The following MAF variants were observed in gnomAD, a reference collection of about 807,000 sequenced individuals.
MAF encodes MAF bZIP transcription factor.
MAF carries 10 observed loss-of-function variants against 22.0 expected under a neutral mutation model. That is an observed-to-expected ratio of 0.45 (90% CI 0.28 to 0.77). The LOEUF is 0.77. Among genes scored for constraint, MAF ranks in the 30% least tolerant of loss-of-function variants. The pLI is 0.12. For missense variants in MAF, 544 were observed against 548.4 expected (o/e 0.99, Z 0.08); for synonymous variants, 337 against 255.8 (o/e 1.32, Z -3.03).
the MAF span, among the ~76,000 whole-genome samples, chr16:79,529,362 T>C: frequency 6.6e-6 from 1 of 152,174 alleles, no homozygotes; most frequent in African/African-American, 2.4e-5. Flanking sequence ...CAGTACCTTG[T>C]GTATTAATAA....
the MAF span, among the ~76,000 whole-genome samples, chr16:79,319,044 T>G: frequency 1.3e-5 from 2 of 150,684 alleles, no homozygotes; most frequent in East Asian, 3.9e-4. Context: ...AATTCACTTC[T>G]GTGATGAATC....
At chr16:79,554,785 G>A in the MAF span, among the ~76,000 whole-genome samples, 11 of 152,102 alleles carry the variant, frequency 7.2e-5, no homozygotes, top group East Asian at 3.9e-4. Flanking sequence ...AATTGTATGG[G>A]CATCACGTGT....
chr16:79,586,558 C>T (rs563805991), intron 1 of MAF, among the ~76,000 whole-genome samples: 2 of 152,176 alleles, frequency 1.3e-5, no homozygotes, highest in Non-Finnish European at 2.9e-5. Flanking sequence ...GTGCTTAGAA[C>T]GGTGATATGA....
the MAF span, among the ~76,000 whole-genome samples, chr16:79,226,277 G>T: frequency 1.3e-5 from 2 of 152,080 alleles, no homozygotes; most frequent in African/African-American, 4.8e-5. Context: ...ACCAACACAA[G>T]AACAGAAAAC....
At chr16:79,568,296 G>A in the MAF span, among the ~76,000 whole-genome samples, 3 of 152,166 alleles carry the variant, frequency 2.0e-5, no homozygotes, top group Non-Finnish European at 4.4e-5. Flanking sequence ...GTCTTCCACT[G>A]GGTTCCTGTT....
At chr16:79,221,920 T>G in the MAF span, among the ~76,000 whole-genome samples, 58 of 152,370 alleles carry the variant, frequency 3.8e-4, no homozygotes, top group Admixed American at 9.8e-4. Context: ...TGTCTTTGAT[T>G]TTTTTTCATT....
At chr16:79,569,091 G>C in the MAF span, among the ~76,000 whole-genome samples, 6 of 152,032 alleles carry the variant, frequency 3.9e-5, no homozygotes. Context: ...AATCTAGAAA[G>C]ACAGGTCTCA....
chr16:79,597,584 G>A, intron 1 of MAF: 5 of 1,022,414 alleles, frequency 4.9e-6, no homozygotes, highest in Non-Finnish European at 5.9e-6. Context: ...TTGGGAGGTT[G>A]AAGTTCTGAG....
the MAF span, among the ~76,000 whole-genome samples, chr16:79,385,498 ACCTTCCCTTTTAACGTACG>A: frequency 6.6e-6 from 1 of 152,244 alleles, no homozygotes; most frequent in African/African-American, 2.4e-5. Flanking sequence ...AAAAGTCGAA[ACCTTCCCTTTTAACGTACG>A]CAAGCATGCG....
At chr16:79,405,808 C>T in the MAF span, among the ~76,000 whole-genome samples, 4 of 152,138 alleles carry the variant, frequency 2.6e-5, no homozygotes, top group East Asian at 1.9e-4. Context: ...AGGAGGTGCT[C>T]GCCTCATTTT....
chr16:79,416,881 G>T, the MAF span, among the ~76,000 whole-genome samples: 4 of 152,126 alleles, frequency 2.6e-5, no homozygotes, highest in Non-Finnish European at 4.4e-5. Flanking sequence ...TAGGAAGATG[G>T]TAGACAGCCT....
the MAF span, among the ~76,000 whole-genome samples, chr16:79,289,854 A>AG: frequency 1.8e-5 from 1 of 55,636 alleles, no homozygotes; most frequent in African/African-American, 6.2e-5. Context: ...TTGTTTGTGT[A>AG]TTTTTTTTTT....
the MAF span, among the ~76,000 whole-genome samples, chr16:79,318,846 G>T: frequency 6.6e-6 from 1 of 152,164 alleles, no homozygotes; most frequent in Non-Finnish European, 1.5e-5. Context: ...CTCTTTTATT[G>T]ACTCCAAGTT....
chr16:79,540,744 T>C, the MAF span, among the ~76,000 whole-genome samples: 1 of 152,138 alleles, frequency 6.6e-6, no homozygotes, highest in Non-Finnish European at 1.5e-5. Flanking sequence ...AACAATTCAG[T>C]ATCCAAATAT....
the MAF span, among the ~76,000 whole-genome samples, chr16:79,510,869 GT>G: frequency 0.039 from 5,996 of 152,314 alleles, 403 homozygotes; most frequent in African/African-American, 0.14. Flanking sequence ...GTGTGCATTT[GT>G]GTGTCTATAT....
the MAF span, among the ~76,000 whole-genome samples, chr16:79,492,851 G>C: frequency 6.6e-6 from 1 of 152,224 alleles, no homozygotes; most frequent in Non-Finnish European, 1.5e-5. Context: ...AGTTAAGAGA[G>C]ATATGAGATC....
At chr16:79,261,156 A>G in the MAF span, among the ~76,000 whole-genome samples, 1 of 151,850 alleles carries the variant, frequency 6.6e-6, no homozygotes. Context: ...GTATTTATTT[A>G]TTTATTTATT....
At chr16:79,505,414 C>G in the MAF span, among the ~76,000 whole-genome samples, 16 of 152,032 alleles carry the variant, frequency 1.1e-4, no homozygotes, top group African/African-American at 3.4e-4. Flanking sequence ...AGTCACGGGA[C>G]AGGGGGGAAG....
At chr16:79,595,507 G>A (rs1913463884) in intron 1 of MAF, 1 of 1,059,294 alleles carries the variant, frequency 9.4e-7, no homozygotes, top group South Asian at 4.6e-5. Context: ...ACATTCTATT[G>A]GTGTGCTAGG....
Sources: allele counts gnomAD v4.1 joint callset (sites outside exome capture counted in the v4.1 genomes callset), GRCh38; gene constraint gnomAD v4.1.1; transcripts MANE v1.5; gene names NCBI Gene and HGNC (gene_info 2026-07-23, HGNC 2026-07-21).